The following RAPGEF5 variants were observed in gnomAD, a reference collection of about 807,000 sequenced individuals.
The protein encoded by RAPGEF5 is M-Ras-regulated GEF.
A neutral mutation model predicts 125.2 loss-of-function variants in RAPGEF5; 65 were observed. The observed-to-expected ratio is 0.52, with a 90% CI of 0.43 to 0.64. RAPGEF5 has a LOEUF of 0.64. RAPGEF5 is among the 30% of genes least tolerant of loss of function. The pLI, the probability that RAPGEF5 is intolerant of heterozygous loss-of-function variation, is 0.00. For missense variants in RAPGEF5, 958 were observed against 1,048.1 expected (o/e 0.91, Z 1.19); for synonymous variants, 391 against 385.9 (o/e 1.01, Z -0.16).
At chr7:22,211,043 G>GA (rs1005497844) in intron 9 of RAPGEF5, among the ~76,000 whole-genome samples, 8 of 152,096 alleles carry the variant, frequency 5.3e-5, no homozygotes, top group African/African-American at 1.7e-4. Context: ...TGATTTATTA[G>GA]AAAAAATGTA....
intron 11 of RAPGEF5, among the ~76,000 whole-genome samples, chr7:22,169,949 G>A (rs1784299256): frequency 6.7e-6 from 1 of 150,116 alleles, no homozygotes; most frequent in African/African-American, 2.5e-5. Context: ...GGCAGAGGTT[G>A]CAAGTGAGCC....
intron 24 of RAPGEF5, among the ~76,000 whole-genome samples, chr7:22,127,797 TCTTA>T (rs1782795504): frequency 1.3e-5 from 2 of 152,246 alleles, no homozygotes; most frequent in African/African-American, 2.4e-5. Context: ...TAAAATATGT[TCTTA>T]CTTAAAATTC....
At chr7:22,183,167 G>T (rs954103834) in intron 11 of RAPGEF5, among the ~76,000 whole-genome samples, 1 of 150,532 alleles carries the variant, frequency 6.6e-6, no homozygotes. Flanking sequence ...TACTCGAGAG[G>T]CTGAGGTAGG....
rs1260546280 is a variant in RAPGEF5 at position 22,157,736 on chromosome 7, C to T, written c.1557+119G>A. 9 of 1,143,094 alleles carry T rather than the reference C, an allele frequency of 7.9e-6. No individual in the cohort carries two copies. The East Asian group carries it at 1.2e-4, about 15-fold the overall frequency. The allele number at this position is 1,143,094 out of a possible 1,614,324, so 70.8% of individuals were successfully genotyped here. A position where few individuals can be genotyped will look rare whatever the true frequency, so the allele number is the denominator to read the frequency against. On this transcript the variant is annotated intron_variant, in intron 15 of 25. Transcript: ENST00000665637. The stretch of plus-strand genomic sequence containing the variant: ...CAGGGAAGCTGCAGCCCCAGGCGCC[C>T]CGCCTTGTCGTGTTCTGCTCGAGGC...
intron 7 of RAPGEF5, among the ~76,000 whole-genome samples, chr7:22,231,778 G>A (rs747784760): frequency 2.0e-5 from 3 of 152,186 alleles, no homozygotes; most frequent in East Asian, 1.9e-4. Flanking sequence ...TTACGGAGCA[G>A]CTATTATGTC....
At chr7:22,142,873 C>T (rs1170455352) in intron 20 of RAPGEF5, among the ~76,000 whole-genome samples, 2 of 152,134 alleles carry the variant, frequency 1.3e-5, no homozygotes, top group African/African-American at 4.8e-5. Flanking sequence ...TACTATTTTC[C>T]CTTGGTTATT....
At chr7:22,317,809 G>A (rs1230678921) in intron 2 of RAPGEF5, among the ~76,000 whole-genome samples, 178 bp downstream of exon 2, 1 of 152,110 alleles carries the variant, frequency 6.6e-6, no homozygotes, top group Non-Finnish European at 1.5e-5. Flanking sequence ...AATGATCAGA[G>A]CATCTCAAAC....
intron 11 of RAPGEF5, among the ~76,000 whole-genome samples, chr7:22,168,561 T>C (rs1784245816): frequency 6.6e-6 from 1 of 152,216 alleles, no homozygotes; most frequent in Admixed American, 6.5e-5. Flanking sequence ...AATTGCCCAG[T>C]ATAGAGCCCT....
At chr7:22,336,864 C>T (rs1300506253) in intron 1 of RAPGEF5, among the ~76,000 whole-genome samples, 1 of 152,140 alleles carries the variant, frequency 6.6e-6, no homozygotes, top group Admixed American at 6.5e-5. Context: ...GTGACAAGGA[C>T]CCCCATCTTT....
chr7:22,328,744 G>T (rs1342294883), intron 1 of RAPGEF5, among the ~76,000 whole-genome samples: 2 of 152,130 alleles, frequency 1.3e-5, no homozygotes, highest in Non-Finnish European at 2.9e-5. Flanking sequence ...CTTCTCTACT[G>T]GCCTCCCACC....
At chr7:22,300,980 G>A (rs563199095) in intron 5 of RAPGEF5, among the ~76,000 whole-genome samples, 1 of 152,328 alleles carries the variant, frequency 6.6e-6, no homozygotes, top group Non-Finnish European at 1.5e-5. Flanking sequence ...GTCTACATCT[G>A]AGGCCTGCCT....
intron 6 of RAPGEF5, among the ~76,000 whole-genome samples, chr7:22,284,829 C>T (rs1334493821): frequency 6.6e-6 from 1 of 152,032 alleles, no homozygotes; most frequent in East Asian, 1.9e-4. Context: ...GAATAGAAAC[C>T]CATTTTTTTG....
chr7:22,291,110 T>G, intron 6 of RAPGEF5, 65 bp downstream of exon 6: 1 of 1,491,644 alleles, frequency 6.7e-7, no homozygotes, highest in Non-Finnish European at 8.9e-7. Flanking sequence ...CCCAAAGAAC[T>G]TCCCTTCTAG....
intron 9 of RAPGEF5, among the ~76,000 whole-genome samples, chr7:22,216,256 AC>A (rs532845048): frequency 3.2e-3 from 494 of 152,314 alleles, no homozygotes; most frequent in Middle Eastern, 0.02. Context: ...TACAAAGGCC[AC>A]ATCTGATTAT....
At chr7:22,249,191 T>C (rs896234568) in intron 7 of RAPGEF5, among the ~76,000 whole-genome samples, 1 of 152,140 alleles carries the variant, frequency 6.6e-6, no homozygotes, top group Non-Finnish European at 1.5e-5. Flanking sequence ...TTTACCCTTT[T>C]TGTTTTGTTT....
Position 22,219,928 on chromosome 7 carries a change from G to A in RAPGEF5, c.934C>T (p.Leu312=). Residue 312 remains leucine, a synonymous_variant, in exon 9 of 26, where the codon CTG becomes TTG. Transcript: ENST00000665637. The stretch of plus-strand genomic sequence containing the variant: ...AAAAACTGATAGTTTTCTTTTGCCA[G>A]CTTCTGGACTAGTTCAATTCGTCCG... ...EIGRIELVQK[L]AKENYQFLQT... 1.2e-6 allele frequency: 2 copies of A among 1,613,446 alleles called. No homozygotes were observed. Among genetic ancestry groups the A allele is most frequent in the Non-Finnish European group, 1.7e-6 (2 of 1,179,552 alleles).
chr7:22,174,943 C>T (rs189330822), intron 11 of RAPGEF5, among the ~76,000 whole-genome samples: 53 of 152,138 alleles, frequency 3.5e-4, no homozygotes, highest in Non-Finnish European at 6.2e-4. Flanking sequence ...ATTGTGGGAG[C>T]CAGTACCTAA....
At chr7:22,202,567 C>G (rs1312762188) in intron 9 of RAPGEF5, among the ~76,000 whole-genome samples, 2 of 152,206 alleles carry the variant, frequency 1.3e-5, no homozygotes. Context: ...TCACCAATGA[C>G]TAGATAAATC....
intron 1 of RAPGEF5, among the ~76,000 whole-genome samples, chr7:22,352,495 T>C (rs563414046): frequency 1.1e-4 from 16 of 152,238 alleles, no homozygotes; most frequent in African/African-American, 3.9e-4. Context: ...ATGGACAAGA[T>C]GCACTTAGAA....
Sources: allele counts gnomAD v4.1 joint callset (sites outside exome capture counted in the v4.1 genomes callset), GRCh38; gene constraint gnomAD v4.1.1; transcripts MANE v1.5; gene names NCBI Gene and HGNC (gene_info 2026-07-23, HGNC 2026-07-21).